The following SMCHD1 variants were observed in gnomAD, a reference collection of about 807,000 sequenced individuals.
The protein encoded by SMCHD1 is structural maintenance of chromosomes flexible hinge domain-containing protein 1.
A neutral mutation model predicts 254.7 loss-of-function variants in SMCHD1; 78 were observed. The observed-to-expected ratio is 0.31, with a 90% confidence interval of 0.26 to 0.37. The LOEUF (loss-of-function observed/expected upper bound fraction) is 0.37. SMCHD1 is among the 10% of genes least tolerant of loss of function. The pLI, the probability that SMCHD1 is intolerant of heterozygous loss-of-function variation, is 1.00. For missense variants in SMCHD1, 1,840 were observed against 2,408.1 expected, an observed-to-expected ratio of 0.76 and a Z score of 4.94; for synonymous variants, 766 against 794.9, an observed-to-expected ratio of 0.96 and a Z score of 0.61.
At chr18:2,715,210 T>G (rs1004515803) in intron 17 of SMCHD1, among the ~76,000 whole-genome samples, 1 of 152,166 alleles carries the variant, frequency 6.6e-6, no homozygotes, top group Non-Finnish European at 1.5e-5. Flanking sequence ...AAGTTTTTGC[T>G]TTTTCTTTTC....
intron 42 of SMCHD1, among the ~76,000 whole-genome samples, chr18:2,777,069 C>G (rs60665346): frequency 3.4e-4 from 50 of 148,680 alleles, no homozygotes; most frequent in African/African-American, 1.2e-3. Flanking sequence ...ACCTCCCCCC[C>G]CCATACCCTA....
chr18:2,777,443 TG>T (rs1365861841), intron 42 of SMCHD1, among the ~76,000 whole-genome samples: 5 of 152,226 alleles, frequency 3.3e-5, no homozygotes, highest in Non-Finnish European at 7.3e-5. Context: ...TCTTGGGCCT[TG>T]CCCCTTCCCC....
chr18:2,760,722 A>G lies in SMCHD1; in HGVS notation c.4417A>G (p.Ile1473Val), dbSNP rs1288065433. The G allele has an allele frequency of 6.2e-7, 1 of 1,601,280 alleles. No homozygotes were observed. Among genetic ancestry groups the G allele is most frequent in the Admixed American group, 1.7e-5 (1 of 59,854 alleles). Reference protein sequence around the residue: ...QFGFMMDKTNILNSEQVIVEV... With the variant: ...QFGFMMDKTNVLNSEQVIVEV... ...TGGTTTTATGATGGATAAAACAAAT[A>G]TTCTCAACAGTGAACAGGTTTGCTT... The change falls in exon 35 of 48, where the codon ATT becomes GTT. Residue 1473 changes from isoleucine (I) to valine (V), a missense_variant. Transcript: ENST00000320876.
rs541105896 is a variant in SMCHD1 at position 2,771,695 on chromosome 18, T to C, written c.5052+77T>C. On this transcript the variant is annotated intron_variant, in intron 40 of 47. Coordinates refer to ENST00000320876, the MANE Select transcript of SMCHD1 (RefSeq NM_015295.3). ...ATTTTCTCAATTATTCAGTTTTTATTAGGAATTCTGAGTATTGTTGTTTTA... is the reference window on the plus strand; with the variant it reads ...ATTTTCTCAATTATTCAGTTTTTATCAGGAATTCTGAGTATTGTTGTTTTA... The C allele has an allele frequency of 2.6e-4, 304 of 1,166,644 alleles. No individual in the cohort carries two copies. The African/African-American group carries it at 4.5e-3, about 17-fold the overall frequency. The allele number at this position is 1,166,644 out of a possible 1,614,324, so 72.3% of individuals were successfully genotyped here. A position where few individuals can be genotyped will look rare whatever the true frequency, so the allele number is the denominator to read the frequency against.
At chr18:2,666,047 A>T (rs9947882) in intron 1 of SMCHD1, 110 bp from the exon 2 acceptor site, 41 of 550,956 alleles carry the variant, frequency 7.4e-5, no homozygotes, top group South Asian at 6.1e-4. Context: ...AGATAAGTGT[A>T]GTGGTTACAG....
intron 17 of SMCHD1, among the ~76,000 whole-genome samples, chr18:2,709,596 A>G (rs1402615261): frequency 6.6e-6 from 1 of 151,958 alleles, no homozygotes; most frequent in Non-Finnish European, 1.5e-5. Flanking sequence ...GTGGTATCTT[A>G]CTGTGGTTTT....
rs1461510477 is a variant in SMCHD1 at position 2,717,614 on chromosome 18, C to G, written c.2261-544C>G. On this transcript the variant is annotated intron_variant, in intron 17 of 47. Transcript: ENST00000320876. The stretch of plus-strand genomic sequence containing the variant: ...ACAGGCATGAGCCACCACGCTGGGC[C>G]TGTTATGCTTTTATGTTGAGCTCCT... Among the ~76,000 whole-genome samples, 3 of 152,170 alleles carry G rather than the reference C, an allele frequency of 2.0e-5. No homozygotes were observed. The East Asian group carries it at 5.8e-4, about 29-fold the overall frequency.
intron 17 of SMCHD1, among the ~76,000 whole-genome samples, chr18:2,716,730 C>G (rs529730408): frequency 6.6e-6 from 1 of 152,204 alleles, no homozygotes; most frequent in African/African-American, 2.4e-5. Context: ...GGCTCCACAA[C>G]CTGGCAGGTG....
At chr18:2,740,370 A>G (rs545617483) in intron 27 of SMCHD1, among the ~76,000 whole-genome samples, 49 of 152,292 alleles carry the variant, frequency 3.2e-4, no homozygotes, top group Admixed American at 6.5e-4. Context: ...TTTTTTAAAC[A>G]TAAAAGTATA....
At chr18:2,750,302 G>A (rs1410779694) in intron 31 of SMCHD1, 48 bp from the exon 32 acceptor site, 2 of 1,549,936 alleles carry the variant, frequency 1.3e-6, no homozygotes, top group East Asian at 4.5e-5. Context: ...GAATTTTTAG[G>A]TTATTAACTA....
intron 5 of SMCHD1, among the ~76,000 whole-genome samples, chr18:2,687,424 CTCTG>C (rs1322756280): frequency 6.6e-6 from 1 of 152,128 alleles, no homozygotes; most frequent in Non-Finnish European, 1.5e-5. Flanking sequence ...TAATATTCCT[CTCTG>C]TCTTTTACTG....
At chr18:2,717,188 TC>T (rs1480342502) in intron 17 of SMCHD1, among the ~76,000 whole-genome samples, 5 of 151,998 alleles carry the variant, frequency 3.3e-5, no homozygotes, top group Admixed American at 3.3e-4. Context: ...TTCCCACTGT[TC>T]CCAATGCTCT....
chr18:2,746,897 A>G (rs996458155), intron 29 of SMCHD1, among the ~76,000 whole-genome samples: 2 of 152,212 alleles, frequency 1.3e-5, no homozygotes, highest in Admixed American at 6.5e-5. Context: ...CTAGATTTAT[A>G]CAGCCTTATA....
At chr18:2,706,953 G>A (rs2074528926) in intron 15 of SMCHD1, among the ~76,000 whole-genome samples, 1 of 152,118 alleles carries the variant, frequency 6.6e-6, no homozygotes, top group African/African-American at 2.4e-5. Flanking sequence ...TGTCTTACAT[G>A]GGCGGCAGAA....
intron 3 of SMCHD1, among the ~76,000 whole-genome samples, chr18:2,671,035 C>T (rs1198523588): frequency 1.4e-5 from 2 of 147,358 alleles, no homozygotes; most frequent in South Asian, 2.1e-4. Flanking sequence ...CTCCTGGGTT[C>T]AAGCAATTCC....
rs117811204 is a variant in SMCHD1, at chr18:2,747,075, A to G, written c.3802-447A>G. Among the ~76,000 whole-genome samples, 283 of 152,340 alleles carry G rather than the reference A, an allele frequency of 1.9e-3. 5 individuals are homozygous for G. In the East Asian group the frequency reaches 0.033, roughly 18 times the overall value. On this transcript the variant is annotated intron_variant, in intron 29 of 47. Transcript: ENST00000320876. ...GGAGAAGCTAAACTACAGATTGCCAATGCTAAATCTGAGAACCAAAGATAG... is the reference window on the plus strand; with the variant it reads ...GGAGAAGCTAAACTACAGATTGCCAGTGCTAAATCTGAGAACCAAAGATAG...
chr18:2,729,163 TATTC>T, intron 23 of SMCHD1, 108 bp from the exon 24 acceptor site: 2 of 836,078 alleles, frequency 2.4e-6, no homozygotes, highest in Non-Finnish European at 3.3e-6. Flanking sequence ...AGAATTTTCT[TATTC>T]ATTGCCAGAA....
At chr18:2,743,959 T>A in intron 29 of SMCHD1, 31 bp downstream of exon 29, 1 of 1,538,642 alleles carries the variant, frequency 6.5e-7, no homozygotes, top group Non-Finnish European at 8.8e-7. Flanking sequence ...ACTGAAAGAA[T>A]TTAATATCAT....
chr18:2,748,390 A>T lies in SMCHD1; in HGVS notation c.3927+743A>T, dbSNP rs1386699854. ...TGTGTGTGTGTGTGTGTGTATATAA[A>T]TTTTTTTTTTTTTTTTTTTGGAGAC... On this transcript the variant is annotated intron_variant, in intron 30 of 47. Coordinates refer to ENST00000320876, the MANE Select transcript of SMCHD1 (RefSeq NM_015295.3). Among the ~76,000 whole-genome samples the T allele has an allele frequency of 3.8e-3, 348 of 92,488 alleles. 32 individuals carry two copies. Among genetic ancestry groups the T allele is most frequent in the Admixed American group, 6.4e-3 (49 of 7,602 alleles). 60.7% of individuals were successfully genotyped at this position (92,488 alleles called of 152,430 possible).
Sources: gnomAD v4.1 joint callset for allele counts (sites outside exome capture counted in the v4.1 genomes callset) on GRCh38, gnomAD v4.1.1 for gene constraint, MANE v1.5 for transcripts, NCBI Gene and HGNC (gene_info 2026-07-23, HGNC 2026-07-21) for gene names.